Variants in LRRFIP2 observed in about 807,000 individuals in gnomAD.
The protein encoded by LRRFIP2 is leucine-rich repeat flightless-interacting protein 2.
A neutral mutation model predicts 125.9 loss-of-function variants in LRRFIP2; 109 were observed. That is an observed-to-expected ratio of 0.87 (90% CI 0.74 to 1.01). The LOEUF is 1.01. LRRFIP2 is among the 50% of genes least tolerant of loss of function. The pLI is 0.00. For missense variants in LRRFIP2, 850 were observed against 862.3 expected (o/e 0.99, Z 0.18); for synonymous variants, 291 against 293.1 (o/e 0.99, Z 0.07).
intron 15 of LRRFIP2, among the ~76,000 whole-genome samples, chr3:37,101,165 G>T (rs1176711100): frequency 6.6e-6 from 1 of 151,778 alleles, no homozygotes; most frequent in African/African-American, 2.4e-5. Context: ...AGACCAACCT[G>T]GCCAAGATGG....
rs60540567 is a variant in LRRFIP2, at chr3:37,121,841, CGTGTGTGTGTGTGTGTGT to C, written c.229-168_229-151del. ...AACTTATCTTAGGGGCAGCCACATT[CGTGTGTGTGTGTGTGTGT>C]GTGTGTGTGTGTGTGTGTGTGTGTG... On this transcript the variant is annotated intron_variant, in intron 4 of 27. Transcript: ENST00000336686. 6.5e-4 allele frequency: 337 copies of C among 521,224 alleles called. 1 individual carries two copies. Among genetic ancestry groups the C allele is most frequent in the South Asian group, 2.5e-3 (83 of 33,658 alleles). 32.3% of individuals were successfully genotyped at this position (521,224 alleles called of 1,614,324 possible).
intron 2 of LRRFIP2, among the ~76,000 whole-genome samples, chr3:37,142,053 GC>G (rs1390962053): frequency 7.9e-5 from 12 of 151,974 alleles, no homozygotes; most frequent in African/African-American, 2.7e-4. Flanking sequence ...ACTTTTCAGA[GC>G]CATATTCTTG....
At chr3:37,099,863 A>G (rs1559835486) in intron 15 of LRRFIP2, among the ~76,000 whole-genome samples, 1 of 152,230 alleles carries the variant, frequency 6.6e-6, no homozygotes, top group Non-Finnish European at 1.5e-5. Context: ...ATAAACTATT[A>G]GCCTACAAAC....
chr3:37,091,642 T>A (rs2093444999), intron 17 of LRRFIP2, 104 bp from the exon 18 acceptor site: 2 of 758,898 alleles, frequency 2.6e-6, no homozygotes, highest in Admixed American at 3.0e-5. Flanking sequence ...TATTCCAGAC[T>A]AAAAGCAGAG....
intron 4 of LRRFIP2, among the ~76,000 whole-genome samples, chr3:37,126,214 G>A (rs1685305608): frequency 6.6e-6 from 1 of 152,112 alleles, no homozygotes; most frequent in South Asian, 2.1e-4. Flanking sequence ...ATTTTTGGTA[G>A]AGACGGGGTT....
At chr3:37,127,452 A>G (rs2095312372) in intron 4 of LRRFIP2, among the ~76,000 whole-genome samples, 178 bp downstream of exon 4, 1 of 152,224 alleles carries the variant, frequency 6.6e-6, no homozygotes, top group Non-Finnish European at 1.5e-5. Context: ...ACTACAACAT[A>G]AAATGGCAGG....
intron 1 of LRRFIP2, among the ~76,000 whole-genome samples, chr3:37,171,411 C>T (rs763565653): frequency 7.9e-5 from 12 of 152,054 alleles, no homozygotes; most frequent in Non-Finnish European, 1.6e-4. Context: ...TCATGAGTTC[C>T]GACTTCATCA....
chr3:37,123,606 G>A (rs993701887), intron 4 of LRRFIP2, among the ~76,000 whole-genome samples: 5 of 152,168 alleles, frequency 3.3e-5, no homozygotes, highest in Admixed American at 1.3e-4. Flanking sequence ...TAGCCTAGAA[G>A]GGCAGGTACA....
intron 2 of LRRFIP2, chr3:37,143,544 C>A: frequency 4.0e-6 from 1 of 247,690 alleles, no homozygotes; most frequent in South Asian, 6.2e-5. Flanking sequence ...TTCAAGAAGT[C>A]CTCCTTGTCC....
chr3:37,166,445 T>C (rs1284143560), intron 1 of LRRFIP2, among the ~76,000 whole-genome samples: 1 of 151,966 alleles, frequency 6.6e-6, no homozygotes, highest in Non-Finnish European at 1.5e-5. Context: ...GCAAATCACA[T>C]AGCTGATAAA....
chr3:37,157,255 C>A (rs528273310), intron 1 of LRRFIP2, among the ~76,000 whole-genome samples: 1 of 152,266 alleles, frequency 6.6e-6, no homozygotes. Flanking sequence ...CCAGCCTGGG[C>A]AACATGGAGA....
In LRRFIP2 at chr3:37,161,557, A is replaced by T. The variant is rs145038348; in HGVS notation, c.-55-12519T>A. ...TAGTGCTTTCCACAAAGTCTCGGGTAAAGAGGAAATGGAGAGTGACTGCTA... is the reference window on the plus strand; with the variant it reads ...TAGTGCTTTCCACAAAGTCTCGGGTTAAGAGGAAATGGAGAGTGACTGCTA... On this transcript the variant is annotated intron_variant, in intron 1 of 27. Coordinates refer to ENST00000336686, the MANE Select transcript of LRRFIP2 (RefSeq NM_006309.4). Among the ~76,000 whole-genome samples, 17 of 152,258 alleles carry T rather than the reference A, an allele frequency of 1.1e-4. No homozygotes were observed. The East Asian group carries it at 3.3e-3, about 29-fold the overall frequency.
At chr3:37,167,336 G>T (rs941485102) in intron 1 of LRRFIP2, among the ~76,000 whole-genome samples, 1 of 151,912 alleles carries the variant, frequency 6.6e-6, no homozygotes, top group Non-Finnish European at 1.5e-5. Flanking sequence ...AAAAATAATC[G>T]ATTTTTTTGT....
rs2088291673 is a variant in LRRFIP2, at chr3:37,060,474, T to G, written c.1750-1564A>C. Among the ~76,000 whole-genome samples, 1 of 151,926 alleles carries G rather than the reference T, an allele frequency of 6.6e-6. No homozygotes were observed. Among genetic ancestry groups the G allele is most frequent in the Non-Finnish European group, 1.5e-5 (1 of 67,976 alleles). ...CAGGTGCATGCCACCACGTCCAATT[T>G]TTGTATTTTTAGTAGATGGGGTTTC... On this transcript the variant is annotated intron_variant, in intron 24 of 27. Transcript: ENST00000336686. The surrounding 1 kb of genome is among the most constrained non-coding windows in gnomAD (Gnocchi z 4.1).
At chr3:37,134,823 T>C in intron 2 of LRRFIP2, 5 of 939,482 alleles carry the variant, frequency 5.3e-6, no homozygotes, top group Non-Finnish European at 7.0e-6. Context: ...GGCAATTCAT[T>C]TTCCTACAGA....
At chr3:37,128,251 C>A (rs1477585883) in intron 3 of LRRFIP2, among the ~76,000 whole-genome samples, 2 of 152,116 alleles carry the variant, frequency 1.3e-5, no homozygotes, top group Admixed American at 6.6e-5. Context: ...AAATTCACCA[C>A]CAAAATCAAA....
rs144997018 is a variant in LRRFIP2 at position 37,108,671 on chromosome 3, T to C, written c.623A>G (p.Asn208Ser). ...ACCATAAGGGTTATATAATCCACCA[T>C]TGTACAATGATGCCTAAGGAACAAA... ...LRSASLASLY[N>S]GGLYNPYGPR... Residue 208 changes from asparagine (N) to serine (S), a missense_variant, in exon 12 of 28, where the codon AAT becomes AGT. By Grantham distance (46) the Asn-to-Ser change is conservative (BLOSUM62 1). Coordinates refer to ENST00000336686, the MANE Select transcript of LRRFIP2 (RefSeq NM_006309.4). The C allele has an allele frequency of 2.2e-5, 36 of 1,610,342 alleles. No individual in the cohort carries two copies. The highest frequency in any genetic ancestry group is 3.3e-4 in the Middle Eastern group (2 of 6,080).
chr3:37,126,841 A>T (rs1201000200), intron 4 of LRRFIP2, among the ~76,000 whole-genome samples: 1 of 149,396 alleles, frequency 6.7e-6, no homozygotes, highest in East Asian at 1.9e-4. Context: ...CCTGGGCAAC[A>T]AGCGCGAAAC....
intron 19 of LRRFIP2, among the ~76,000 whole-genome samples, chr3:37,076,815 G>A (rs765495735): frequency 3.8e-4 from 58 of 150,766 alleles, no homozygotes; most frequent in Admixed American, 2.6e-4. Flanking sequence ...GTGGTGAGCC[G>A]AGATTGCGCC....
Sources: allele counts gnomAD v4.1 joint callset (sites outside exome capture counted in the v4.1 genomes callset), GRCh38; gene constraint gnomAD v4.1.1; non-coding constraint Gnocchi (gnomAD v3.1); transcripts MANE v1.5; gene names NCBI Gene and HGNC (gene_info 2026-07-23, HGNC 2026-07-21).